Variants in PPFIA3 observed in about 807,000 individuals in gnomAD.
PPFIA3 encodes the protein PPFI scaffold protein A3.
A neutral mutation model predicts 145.8 loss-of-function variants in PPFIA3; 26 were observed. The ratio of observed to expected loss-of-function variants is 0.18; its 90% CI spans 0.13 to 0.25. The LOEUF (loss-of-function observed/expected upper bound fraction) is 0.25. Among genes scored for constraint, PPFIA3 ranks in the 10% least tolerant of loss-of-function variants. The pLI, the probability that PPFIA3 is intolerant of heterozygous loss-of-function variation, is 1.00. For synonymous variants in PPFIA3, 645 were observed against 661.4 expected, an observed-to-expected ratio of 0.98 and a Z score of 0.38; for missense variants, 1,008 against 1,587.8, an observed-to-expected ratio of 0.63 and a Z score of 6.21.
Position 49,134,500 on chromosome 19 carries a change from C to T in PPFIA3, c.1378-139C>T, listed in dbSNP as rs1006746926. The T allele has an allele frequency of 1.1e-5, 9 of 818,100 alleles. No homozygotes were observed. The African/African-American group carries it at 1.2e-4, about 11-fold the overall frequency. The allele number at this position is 818,100 out of a possible 1,614,324, so 50.7% of individuals were successfully genotyped here. On this transcript the variant is annotated intron_variant, in intron 11 of 29. Transcript: ENST00000334186. ...CCCCAGAAACATCGTTGCCCCTGCT[C>T]CCCCGAAACTCACCACTTGTGTCCA...
chr19:49,146,410 C>T (rs751343638), intron 23 of PPFIA3: 2 of 615,568 alleles, frequency 3.2e-6, no homozygotes, highest in Non-Finnish European at 5.7e-6. Context: ...CATAGTCAGC[C>T]TTATGCATGG....
In PPFIA3 at chr19:49,149,252, T is replaced by C; in HGVS notation, c.3286-5T>C. 6.2e-7 allele frequency: 1 copy of C among 1,614,168 alleles called. No individual in the cohort carries two copies. Among genetic ancestry groups the C allele is most frequent in the Non-Finnish European group, 8.5e-7 (1 of 1,180,028 alleles). ...CCAACCGCCCCCTCCACCTCCTCTT[T>C]CCAGGCCCGGCAGCTTCTGGAGAAG... On this transcript the variant is annotated splice_polypyrimidine_tract_variant and splice_region_variant and intron_variant, in intron 26 of 29. Transcript: ENST00000334186. The surrounding 1 kb of genome is among the most constrained non-coding windows in gnomAD (Gnocchi z 5.7).
In PPFIA3 at chr19:49,146,130, C is replaced by T. The variant is rs2041277789; in HGVS notation, c.2809-36C>T. On this transcript the variant is annotated intron_variant, in intron 22 of 29. Coordinates refer to ENST00000334186, the MANE Select transcript of PPFIA3 (RefSeq NM_003660.4). ...GTCCTCCTCTGCCTGCCCCTTAACT[C>T]ACCCCTTCTCTCCCCTCTTCCTACT... 6 of 1,613,922 alleles carry T rather than the reference C, an allele frequency of 3.7e-6. No homozygotes were observed. In the South Asian group the frequency reaches 6.6e-5, roughly 18 times the overall value.
At chr19:49,144,573 G>A (rs568701303) in intron 21 of PPFIA3, among the ~76,000 whole-genome samples, 1 of 152,174 alleles carries the variant, frequency 6.6e-6, no homozygotes, top group African/African-American at 2.4e-5. Flanking sequence ...AATTAGTCGG[G>A]TGTGGTGGCG....
At chr19:49,135,270 G>A (rs969724589) in intron 13 of PPFIA3, among the ~76,000 whole-genome samples, 1 of 152,194 alleles carries the variant, frequency 6.6e-6, no homozygotes, top group Non-Finnish European at 1.5e-5. Flanking sequence ...TGGAACCCCA[G>A]GCCTCAAGTG....
intron 22 of PPFIA3, 23 bp from the exon 23 acceptor site, chr19:49,146,143 C>A: frequency 1.2e-6 from 2 of 1,614,160 alleles, no homozygotes; most frequent in Non-Finnish European, 1.7e-6. Flanking sequence ...CCCTTCTCTC[C>A]CCTCTTCCTA....
At chr19:49,137,115 C>T in intron 15 of PPFIA3, 1 of 455,634 alleles carries the variant, frequency 2.2e-6, no homozygotes, top group Non-Finnish European at 3.8e-6. Context: ...ACATATACCC[C>T]CCAGCCAGTA....
intron 23 of PPFIA3, among the ~76,000 whole-genome samples, chr19:49,147,594 G>A (rs1600353425): frequency 6.6e-6 from 1 of 152,054 alleles, no homozygotes; most frequent in Non-Finnish European, 1.5e-5. Context: ...GCTGAGGCAA[G>A]AGAATTGCTT....
At position 49,149,210 on chromosome 19, in the gene PPFIA3, C is replaced by G; in HGVS notation, c.3285+42C>G. ...CCCGGAGCATGCTGGGCGTCCCCAC[C>G]TCGCAGACTGCACGCTCCAACCGCC... On this transcript the variant is annotated intron_variant, in intron 26 of 29. Coordinates refer to ENST00000334186, the MANE Select transcript of PPFIA3 (RefSeq NM_003660.4). This position sits in a 1 kb window ranked among gnomAD's most constrained non-coding sequence, Gnocchi z 5.7. 6.2e-7 allele frequency: 1 copy of G among 1,614,016 alleles called. No homozygotes were observed. Among genetic ancestry groups the G allele is most frequent in the Non-Finnish European group, 8.5e-7 (1 of 1,179,938 alleles).
rs569295902 is a variant in PPFIA3 at position 49,150,112 on chromosome 19, G to C, written c.3559G>C (p.Val1187Leu). 2 of 1,611,080 alleles carry C rather than the reference G, an allele frequency of 1.2e-6. No homozygotes were observed. Among genetic ancestry groups the C allele is most frequent in the Non-Finnish European group, 1.7e-6 (2 of 1,179,066 alleles). ...TTCTGGGAGTTCCCGGGCAGACGGCGTTTCGGTCCGGACCTATTCCTGCTA... is the reference window on the plus strand; with the variant it reads ...TTCTGGGAGTTCCCGGGCAGACGGCCTTTCGGTCCGGACCTATTCCTGCTA... ...QTSGSSRADGVSVRTYSC is the reference protein window; with the variant it reads ...QTSGSSRADGLSVRTYSC Residue 1187 changes from valine to leucine, a missense_variant, in exon 29 of 30, where the codon GTT becomes CTT. Val to Leu is a conservative substitution (Grantham distance 32, BLOSUM62 1). Transcript: ENST00000334186.
chr19:49,120,210 G>C lies in PPFIA3; in HGVS notation c.-16+488G>C, dbSNP rs921629979. 2.0e-5 allele frequency among the ~76,000 whole-genome samples: 3 copies of C among 151,998 alleles called. No individual in the cohort carries two copies. The highest frequency in any genetic ancestry group is 7.2e-5 in the African/African-American group (3 of 41,416). On this transcript the variant is annotated intron_variant, in intron 1 of 29. Coordinates refer to ENST00000334186, the MANE Select transcript of PPFIA3 (RefSeq NM_003660.4). The surrounding 1 kb of genome is among the most constrained non-coding windows in gnomAD (Gnocchi z 4.6). The stretch of plus-strand genomic sequence containing the variant: ...CTCTGGAGCTGTCCATGGTCAGCGC[G>C]CTCGGCAGCCTCGCCTCCCCCCACC...
chr19:49,122,873 C>G (rs1353827045), intron 1 of PPFIA3, among the ~76,000 whole-genome samples: 2 of 151,692 alleles, frequency 1.3e-5, no homozygotes, highest in Non-Finnish European at 2.9e-5. Flanking sequence ...AGGCGCCCAC[C>G]ACCACGCCCG....
chr19:49,139,980 C>A lies in PPFIA3; in HGVS notation c.2260C>A (p.Leu754Met). ...TCCCAGTGAGGGCACCCCAGATTCT[C>A]TGCACAAAGCCCCCAAGAAGAAGAG... Reference protein sequence around the residue: ...PRGSEGTPDSLHKAPKKKSIK... With the variant: ...PRGSEGTPDSMHKAPKKKSIK... Residue 754 changes from leucine (L) to methionine (M), a missense_variant, in exon 18 of 30, where the codon CTG becomes ATG. Physicochemically the swap from Leu to Met is conservative, Grantham distance 15. Coordinates refer to ENST00000334186, the MANE Select transcript of PPFIA3 (RefSeq NM_003660.4). 1 of 1,614,188 alleles carries A rather than the reference C, an allele frequency of 6.2e-7. No individual in the cohort carries two copies.
intron 15 of PPFIA3, among the ~76,000 whole-genome samples, chr19:49,137,820 A>ATCCTAGAT (rs2041160142): frequency 2.0e-5 from 3 of 151,894 alleles, no homozygotes; most frequent in Non-Finnish European, 4.4e-5. Flanking sequence ...CCCTTCCCAG[A>ATCCTAGAT]TCCTAGATTG....
chr19:49,150,475 T>C lies in PPFIA3; in HGVS notation c.*253T>C. ...AAGAAATCCCGCCCCAAACGTCCGCTTTCCTTTTCTCTACTTTGTAATTTA... is the reference window on the plus strand; with the variant it reads ...AAGAAATCCCGCCCCAAACGTCCGCCTTCCTTTTCTCTACTTTGTAATTTA... On this transcript the variant is annotated 3_prime_UTR_variant, in exon 30 of 30. Transcript: ENST00000334186. 4.0e-6 allele frequency: 1 copy of C among 247,122 alleles called. No homozygotes were observed. The allele number at this position is 247,122 out of a possible 1,614,324, so 15.3% of individuals were successfully genotyped here.
rs370017062 is a variant in PPFIA3 at position 49,139,821 on chromosome 19, C to T, written c.2230C>T (p.Pro744Ser). Residue 744 changes from proline (P) to serine (S), a missense_variant, in exon 17 of 30, where the codon CCA (proline) becomes TCA (serine). This residue lies in a region of PPFIA3 where 202 missense variants were observed against 241.8 expected (regional missense o/e 0.84). Transcript: ENST00000334186. ...GGGGTCCCTGGAAGATGGGGGACCC[C>T]CACGGGGAAGGTCAGCAGGGACAAG... ...QAGSLEDGGP[P>S]RGSEGTPDSL... 2 of 1,610,494 alleles carry T rather than the reference C, an allele frequency of 1.2e-6. No homozygotes were observed. The highest frequency in any genetic ancestry group is 8.5e-7 in the Non-Finnish European group (1 of 1,177,792).
intron 1 of PPFIA3, among the ~76,000 whole-genome samples, chr19:49,126,108 G>A (rs2040995156): frequency 6.6e-6 from 1 of 151,686 alleles, no homozygotes; most frequent in Non-Finnish European, 1.5e-5. Flanking sequence ...GTGCCACCAC[G>A]CAAGCTAATT....
At position 49,148,974 on chromosome 19, in the gene PPFIA3, G is replaced by C; in HGVS notation, c.3110-19G>C. On this transcript the variant is annotated intron_variant, in intron 25 of 29. Coordinates refer to ENST00000334186, the MANE Select transcript of PPFIA3 (RefSeq NM_003660.4). ...CAGGCCACGGGAGGGGCACGGCTGA[G>C]GGTCCCTTCCGTCCCCAGACGTGAT... The C allele has an allele frequency of 1.2e-6, 2 of 1,611,382 alleles. No individual in the cohort carries two copies. The highest frequency in any genetic ancestry group is 1.7e-6 in the Non-Finnish European group (2 of 1,178,464).
chr19:49,134,795 G>T (rs371666540), intron 12 of PPFIA3, 41 bp from the exon 13 acceptor site: 11 of 1,607,402 alleles, frequency 6.8e-6, no homozygotes, highest in Admixed American at 3.3e-5. Flanking sequence ...CCTCCTGGGC[G>T]GAGCAGATTC....
Sources: allele counts gnomAD v4.1 joint callset (sites outside exome capture counted in the v4.1 genomes callset), GRCh38; gene constraint gnomAD v4.1.1; regional missense constraint gnomAD v4.1.1; non-coding constraint Gnocchi (gnomAD v3.1); transcripts MANE v1.5; gene names NCBI Gene and HGNC (gene_info 2026-07-23, HGNC 2026-07-21).